Variants in AGAP1 observed in about 807,000 individuals in gnomAD.
AGAP1 encodes ArfGAP with GTPase domain, ankyrin repeat and PH domain 1.
Under a neutral mutation model 105.3 loss-of-function variants are expected in AGAP1, and 29 were observed. The ratio of observed to expected loss-of-function variants is 0.28; its 90% CI spans 0.21 to 0.38. The LOEUF (loss-of-function observed/expected upper bound fraction) is 0.38, where lower values mean the gene tolerates loss of function less well. Ranked by LOEUF, AGAP1 falls within the 10% of genes least tolerant of loss-of-function variation. The probability of loss-of-function intolerance (pLI) is 1.00; values close to 1 mark genes in which losing one functional copy is unlikely to be tolerated. For missense variants in AGAP1, 998 were observed against 1,165.1 expected (o/e 0.86, Z 2.09); for synonymous variants, 509 against 485.9 (o/e 1.05, Z -0.63).
chr2:235,839,137 T>G (rs1475695162), intron 9 of AGAP1, among the ~76,000 whole-genome samples: 1 of 152,234 alleles, frequency 6.6e-6, no homozygotes, highest in Non-Finnish European at 1.5e-5. Context: ...GGCCTGAGTC[T>G]GCATTTACTG....
intron 1 of AGAP1, among the ~76,000 whole-genome samples, chr2:235,703,798 T>C (rs940639544): frequency 3.3e-5 from 5 of 152,080 alleles, no homozygotes; most frequent in Admixed American, 3.3e-4. Flanking sequence ...AGTTTTGCCA[T>C]GTTGACGAGG....
chr2:236,049,155 C>A lies in AGAP1; in HGVS notation c.1988C>A (p.Ser663Tyr). The A allele has an allele frequency of 6.2e-7, 1 of 1,614,200 alleles. No individual in the cohort carries two copies. The highest frequency in any genetic ancestry group is 8.5e-7 in the Non-Finnish European group (1 of 1,180,038). Residue 663 changes from serine (S) to tyrosine (Y), a missense_variant, in exon 16 of 18, where the codon TCT (serine) becomes TAT (tyrosine). Physicochemically the swap from Ser to Tyr is moderately radical, Grantham distance 144. Coordinates refer to ENST00000304032, the MANE Select transcript of AGAP1 (RefSeq NM_001037131.3). ...NLGTHLSRVR[S>Y]LDLDDWPVEL... is the part of the protein sequence containing the mutation. Reference sequence around the variant, plus strand: ...GGCACCCACCTTTCCCGAGTCCGATCTCTGGACCTGGATGACTGGCCAGTC... The same window carrying A: ...GGCACCCACCTTTCCCGAGTCCGATATCTGGACCTGGATGACTGGCCAGTC...
chr2:235,694,554 A>G (rs901582875), intron 1 of AGAP1, among the ~76,000 whole-genome samples: 1 of 151,586 alleles, frequency 6.6e-6, no homozygotes, highest in African/African-American at 2.4e-5. Flanking sequence ...AGGCTGAGGC[A>G]AGAGAATTGC....
At chr2:235,503,522 C>A (rs1941657681) in intron 1 of AGAP1, among the ~76,000 whole-genome samples, 1 of 152,160 alleles carries the variant, frequency 6.6e-6, no homozygotes, top group South Asian at 2.1e-4. Context: ...CCATGTAGTA[C>A]TTGAAGTTTG....
rs1400416107 is a variant in AGAP1, at chr2:235,930,560, C to T, written c.1325-205C>T. ...ATCGGGTCCCTTCACATTGCTTTGT[C>T]AGGCACCATCAAGATTGGCGTCCCC... On this transcript the variant is annotated intron_variant, in intron 11 of 17. Transcript: ENST00000304032. This position sits in a 1 kb window ranked among gnomAD's most constrained non-coding sequence, Gnocchi z 7.9. Among the ~76,000 whole-genome samples, 1 of 152,056 alleles carries T rather than the reference C, an allele frequency of 6.6e-6. No individual in the cohort carries two copies. Among genetic ancestry groups the T allele is most frequent in the East Asian group, 1.9e-4 (1 of 5,164 alleles).
chr2:235,549,227 A>C lies in AGAP1; in HGVS notation c.163+54378A>C, dbSNP rs1005830414. Among the ~76,000 whole-genome samples the C allele has an allele frequency of 6.6e-6, 1 of 152,190 alleles. No individual in the cohort carries two copies. Among genetic ancestry groups the C allele is most frequent in the Non-Finnish European group, 1.5e-5 (1 of 68,040 alleles). ...GACCTTTTATTTCTAAGGAATACAA[A>C]CTAGAAGGGCCTGGTTTCTGTAGGT... On this transcript the variant is annotated intron_variant, in intron 1 of 17. Transcript: ENST00000304032. The surrounding 1 kb of genome is among the most constrained non-coding windows in gnomAD (Gnocchi z 4.2).
intron 9 of AGAP1, among the ~76,000 whole-genome samples, chr2:235,849,576 G>A (rs1015905455): frequency 3.3e-5 from 5 of 152,234 alleles, no homozygotes; most frequent in East Asian, 1.9e-4. Context: ...GCAGAAGCCC[G>A]GGCCCCCTTA....
At chr2:236,011,188 C>T (rs1157045322) in intron 13 of AGAP1, among the ~76,000 whole-genome samples, 1 of 152,226 alleles carries the variant, frequency 6.6e-6, no homozygotes, top group African/African-American at 2.4e-5. Flanking sequence ...TTGTGTTTCA[C>T]CTGAGTTCAC....
intron 6 of AGAP1, among the ~76,000 whole-genome samples, chr2:235,761,464 T>C (rs1390381787): frequency 6.6e-6 from 1 of 152,186 alleles, no homozygotes; most frequent in Non-Finnish European, 1.5e-5. Context: ...ACATAGAAAA[T>C]GGTTATTTTA....
chr2:235,670,436 C>T, intron 1 of AGAP1: 2 of 552,198 alleles, frequency 3.6e-6, no homozygotes, highest in African/African-American at 2.0e-5. Flanking sequence ...GCCGTGCGCA[C>T]GCGGCCTGGA....
Position 236,124,445 on chromosome 2 carries a change from G to T in AGAP1, c.*323G>T. 1 of 359,434 alleles carries T rather than the reference G, an allele frequency of 2.8e-6. No homozygotes were observed. The highest frequency in any genetic ancestry group is 5.6e-5 in the East Asian group (1 of 17,750). The allele number at this position is 359,434 out of a possible 1,614,324, so 22.3% of individuals were successfully genotyped here. A position where few individuals can be genotyped will look rare whatever the true frequency, so the allele number is the denominator to read the frequency against. Reference sequence around the variant, plus strand: ...TTGTCCTGGTGGCACAAGGGATGGGGACGCGAGGGGGAGGGGAGGCGAGGA... The same window carrying T: ...TTGTCCTGGTGGCACAAGGGATGGGTACGCGAGGGGGAGGGGAGGCGAGGA... On this transcript the variant is annotated 3_prime_UTR_variant, in exon 18 of 18. Coordinates refer to ENST00000304032, the MANE Select transcript of AGAP1 (RefSeq NM_001037131.3). This position sits in a 1 kb window ranked among gnomAD's most constrained non-coding sequence, Gnocchi z 5.1.
intron 13 of AGAP1, among the ~76,000 whole-genome samples, chr2:235,996,083 G>A (rs971751422): frequency 1.6e-4 from 24 of 152,306 alleles, no homozygotes; most frequent in African/African-American, 3.6e-4. Flanking sequence ...CCAACCGTTT[G>A]TCACACAAAT....
chr2:236,112,605 T>G (rs1429530522), intron 16 of AGAP1, among the ~76,000 whole-genome samples: 1 of 152,188 alleles, frequency 6.6e-6, no homozygotes, highest in Non-Finnish European at 1.5e-5. Flanking sequence ...TGCTTTCTGT[T>G]CACAGGTGCT....
At chr2:235,501,363 T>A (rs982454760) in intron 1 of AGAP1, among the ~76,000 whole-genome samples, 1 of 152,204 alleles carries the variant, frequency 6.6e-6, no homozygotes, top group Admixed American at 6.5e-5. Flanking sequence ...ATATTTAGAT[T>A]GGGTTCTTCA....
chr2:235,999,437 GTAGTTA>G (rs2055988844), intron 13 of AGAP1, among the ~76,000 whole-genome samples: 1 of 137,050 alleles, frequency 7.3e-6, no homozygotes, highest in African/African-American at 2.7e-5. Flanking sequence ...AGAGGTGGTG[GTAGTTA>G]TAGTGGTGGT....
At chr2:236,085,304 G>T (rs185723706) in intron 16 of AGAP1, among the ~76,000 whole-genome samples, 6 of 152,246 alleles carry the variant, frequency 3.9e-5, no homozygotes, top group East Asian at 3.9e-4. Context: ...GGGGTGGTAG[G>T]GGGGCAGTGT....
chr2:235,551,965 G>C lies in AGAP1; in HGVS notation c.163+57116G>C, dbSNP rs1943825244. Among the ~76,000 whole-genome samples the C allele has an allele frequency of 6.6e-6, 1 of 152,192 alleles. No homozygotes were observed. The highest frequency in any genetic ancestry group is 2.4e-5 in the African/African-American group (1 of 41,458). ...GTTAATTTTACCGTCTTTTAAAAAGGAAGTTCACAAGATTTCTTGAAAGAA... is the reference window on the plus strand; with the variant it reads ...GTTAATTTTACCGTCTTTTAAAAAGCAAGTTCACAAGATTTCTTGAAAGAA... On this transcript the variant is annotated intron_variant, in intron 1 of 17. Coordinates refer to ENST00000304032, the MANE Select transcript of AGAP1 (RefSeq NM_001037131.3). This position sits in a 1 kb window ranked among gnomAD's most constrained non-coding sequence, Gnocchi z 4.8.
At chr2:235,991,268 A>T (rs12692184) in intron 13 of AGAP1, among the ~76,000 whole-genome samples, 85,873 of 152,040 alleles carry the variant, frequency 0.56, 24,350 homozygotes, top group South Asian at 0.68. Context: ...AAGGGTCAGT[A>T]TAAAAATACT....
Position 235,548,175 on chromosome 2 carries a change from T to C in AGAP1, c.163+53326T>C, listed in dbSNP as rs529195644. ...GCAGAGAGCTAAGTCAAGCACTCAG[T>C]GGACTGCGTCTCGTCTCCCTTGGAC... On this transcript the variant is annotated intron_variant, in intron 1 of 17. Coordinates refer to ENST00000304032, the MANE Select transcript of AGAP1 (RefSeq NM_001037131.3). Among the ~76,000 whole-genome samples the C allele has an allele frequency of 7.9e-5, 12 of 152,352 alleles. No homozygotes were observed. The South Asian group carries it at 2.3e-3, about 29-fold the overall frequency.
Sources: allele counts gnomAD v4.1 joint callset (sites outside exome capture counted in the v4.1 genomes callset), GRCh38; gene constraint gnomAD v4.1.1; non-coding constraint Gnocchi (gnomAD v3.1); transcripts MANE v1.5; gene names NCBI Gene and HGNC (gene_info 2026-07-23, HGNC 2026-07-21).